Variants in CERS6 observed in about 807,000 individuals in gnomAD.
The protein encoded by CERS6 is ceramide synthase 6, also known as LAG1 homolog, ceramide synthase 6.
CERS6 carries 26 observed loss-of-function variants against 56.8 expected under a neutral mutation model. The observed-to-expected ratio is 0.46, with a 90% CI of 0.34 to 0.63. The LOEUF is 0.63. Among genes scored for constraint, CERS6 ranks in the 30% least tolerant of loss-of-function variants. The pLI is 0.01. For synonymous variants in CERS6, 164 were observed against 173.3 expected (o/e 0.95, Z 0.42); for missense variants, 415 against 467.5 (o/e 0.89, Z 1.04).
chr2:168,494,908 T>C (rs2105341139), intron 1 of CERS6, among the ~76,000 whole-genome samples: 1 of 152,312 alleles, frequency 6.6e-6, no homozygotes, highest in South Asian at 2.1e-4. Context: ...ATGTTCCTTA[T>C]AGATAAGGAA....
chr2:168,676,994 T>C (rs1449216438), intron 4 of CERS6, among the ~76,000 whole-genome samples: 1 of 150,516 alleles, frequency 6.6e-6, no homozygotes, highest in Non-Finnish European at 1.5e-5. Context: ...CTTTGTTTTT[T>C]GGGGCTTTTT....
At chr2:168,512,334 A>C (rs1694803293) in intron 1 of CERS6, among the ~76,000 whole-genome samples, 1 of 152,080 alleles carries the variant, frequency 6.6e-6, no homozygotes. Context: ...TAATACAGTA[A>C]ATTTTTTGCT....
At chr2:168,716,322 G>A (rs986802942) in intron 7 of CERS6, among the ~76,000 whole-genome samples, 1 of 152,060 alleles carries the variant, frequency 6.6e-6, no homozygotes, top group African/African-American at 2.4e-5. Flanking sequence ...TCTTAAGTTT[G>A]CTTGAATGTA....
intron 4 of CERS6, among the ~76,000 whole-genome samples, chr2:168,679,533 TTC>T (rs1020583009): frequency 6.6e-6 from 1 of 152,352 alleles, no homozygotes; most frequent in Admixed American, 6.5e-5. Context: ...TTCCCATCTT[TTC>T]TCTCTTTCTC....
intron 4 of CERS6, among the ~76,000 whole-genome samples, chr2:168,639,800 G>A (rs1182510106): frequency 6.6e-6 from 1 of 152,110 alleles, no homozygotes; most frequent in Non-Finnish European, 1.5e-5. Flanking sequence ...AGTTCAGGGA[G>A]TATCTGGTAC....
intron 1 of CERS6, among the ~76,000 whole-genome samples, chr2:168,517,617 GA>G (rs1558980821): frequency 6.6e-6 from 1 of 151,982 alleles, no homozygotes; most frequent in African/African-American, 2.4e-5. Flanking sequence ...AAGGGCTATT[GA>G]AGCCTTTAAT....
intron 3 of CERS6, among the ~76,000 whole-genome samples, chr2:168,564,935 A>C (rs1695858357): frequency 6.6e-6 from 1 of 152,224 alleles, no homozygotes; most frequent in East Asian, 1.9e-4. Flanking sequence ...GACTCTGCCA[A>C]ATAAATAATT....
At chr2:168,686,131 A>G (rs1386009698) in intron 4 of CERS6, among the ~76,000 whole-genome samples, 2 of 147,792 alleles carry the variant, frequency 1.4e-5, no homozygotes, top group Non-Finnish European at 3.0e-5. Context: ...GGAGGCTGGA[A>G]GTTGCAGATA....
intron 8 of CERS6, among the ~76,000 whole-genome samples, chr2:168,734,157 C>A (rs1683639520): frequency 6.6e-6 from 1 of 152,146 alleles, no homozygotes; most frequent in African/African-American, 2.4e-5. Context: ...ATAGAATTAT[C>A]CATGCAAGGG....
chr2:168,617,214 T>TTG, intron 3 of CERS6, among the ~76,000 whole-genome samples: 1 of 152,096 alleles, frequency 6.6e-6, no homozygotes, highest in Non-Finnish European at 1.5e-5. Context: ...TGTCAAAACC[T>TTG]CTGGGATACA....
rs564480630 is a variant in CERS6 at position 168,633,480 on chromosome 2, C to T, written c.465+2438C>T. On this transcript the variant is annotated intron_variant, in intron 4 of 9. Coordinates refer to ENST00000305747, the MANE Select transcript of CERS6 (RefSeq NM_203463.3). Reference sequence around the variant, plus strand: ...ACAGTTTATTAAAGGCTGAACCTGACAAGAAACACATGCTCCTCTTTCTTA... The same window carrying T: ...ACAGTTTATTAAAGGCTGAACCTGATAAGAAACACATGCTCCTCTTTCTTA... 7.9e-5 allele frequency among the ~76,000 whole-genome samples: 12 copies of T among 152,260 alleles called. No individual in the cohort carries two copies. In the East Asian group the frequency reaches 1.9e-3, roughly 24 times the overall value.
intron 6 of CERS6, among the ~76,000 whole-genome samples, chr2:168,702,281 C>A (rs1686824469): frequency 6.6e-6 from 1 of 152,154 alleles, no homozygotes; most frequent in African/African-American, 2.4e-5. Context: ...AAGAAAAATG[C>A]AGTTCTTTTT....
At chr2:168,657,619 T>C (rs114864719) in intron 4 of CERS6, among the ~76,000 whole-genome samples, 25,738 of 152,116 alleles carry the variant, frequency 0.17, 2,390 homozygotes, top group South Asian at 0.34. Context: ...AGAAATCAAG[T>C]GCAGCGCCTG....
At chr2:168,764,817 G>A (rs1460186156) in intron 8 of CERS6, among the ~76,000 whole-genome samples, 1 of 152,136 alleles carries the variant, frequency 6.6e-6, no homozygotes, top group African/African-American at 2.4e-5. Context: ...GAAAATTAAT[G>A]AAAGAAATGA....
intron 4 of CERS6, among the ~76,000 whole-genome samples, chr2:168,667,580 C>G (rs570600408): frequency 6.6e-6 from 1 of 151,906 alleles, no homozygotes; most frequent in Non-Finnish European, 1.5e-5. Context: ...GGCTTTTTTT[C>G]TATCTTTTTT....
At chr2:168,540,641 G>T (rs1365508753) in intron 1 of CERS6, among the ~76,000 whole-genome samples, 2 of 152,188 alleles carry the variant, frequency 1.3e-5, no homozygotes, top group Non-Finnish European at 2.9e-5. Context: ...TTCTCAGAAT[G>T]TATCCCTATT....
intron 1 of CERS6, among the ~76,000 whole-genome samples, chr2:168,475,125 G>A (rs1694045424): frequency 6.6e-6 from 1 of 151,978 alleles, no homozygotes; most frequent in Non-Finnish European, 1.5e-5. Context: ...ATCTCATCGT[G>A]CTTGTCTACT....
chr2:168,735,821 G>A (rs1044883418), intron 8 of CERS6, among the ~76,000 whole-genome samples: 1 of 149,420 alleles, frequency 6.7e-6, no homozygotes, highest in Non-Finnish European at 1.5e-5. Context: ...GATTGAGGCT[G>A]CAGTGAGCTG....
intron 3 of CERS6, among the ~76,000 whole-genome samples, chr2:168,580,164 T>G (rs139999159): frequency 7.2e-5 from 11 of 152,270 alleles, no homozygotes; most frequent in African/African-American, 1.4e-4. Flanking sequence ...TGGGATTTTG[T>G]TTTATTCAGT....
Sources: gnomAD v4.1 joint callset for allele counts (sites outside exome capture counted in the v4.1 genomes callset) on GRCh38, gnomAD v4.1.1 for gene constraint, MANE v1.5 for transcripts, NCBI Gene and HGNC (gene_info 2026-07-23, HGNC 2026-07-21) for gene names.